KDM4C: variants seen among roughly 807,000 people sequenced by gnomAD.
KDM4C encodes the protein lysine demethylase 4C, also known as lysine-specific demethylase 4C.
In KDM4C, 81 loss-of-function variants were observed where a neutral mutation model predicts 129.3. The ratio of observed to expected loss-of-function variants is 0.63; its 90% CI spans 0.52 to 0.75. The LOEUF (loss-of-function observed/expected upper bound fraction) is 0.75, where lower values mean the gene tolerates loss of function less well. Among genes scored for constraint, KDM4C ranks in the 30% least tolerant of loss-of-function variants. The probability of loss-of-function intolerance (pLI) is 0.00; values close to 1 mark genes in which losing one functional copy is unlikely to be tolerated. For missense variants in KDM4C, 1,457 were observed against 1,304.0 expected (o/e 1.12, Z -1.81); for synonymous variants, 573 against 456.1 (o/e 1.26, Z -3.26).
At chr9:7,008,668 C>G (rs1348519453) in intron 12 of KDM4C, among the ~76,000 whole-genome samples, 1 of 152,222 alleles carries the variant, frequency 6.6e-6, no homozygotes, top group Non-Finnish European at 1.5e-5. Context: ...ATGTTGGTGC[C>G]AAGCTGGCCC....
At position 6,990,548 on chromosome 9, in the gene KDM4C, A is replaced by ATT. The variant is rs35634202; in HGVS notation, c.1786+40_1786+41dup. The stretch of plus-strand genomic sequence containing the variant: ...AGGTGAGATGGTGACCCTTTTTGGG[A>ATT]TTTTTTTTTTTTTTTTTGGTGTGTA... On this transcript the variant is annotated intron_variant, in intron 12 of 21. Transcript: ENST00000381309. The ATT allele has an allele frequency of 3.6e-3, 4,284 of 1,177,136 alleles. 3 individuals are homozygous for ATT. The highest frequency in any genetic ancestry group is 0.013 in the African/African-American group (786 of 60,520). The allele number at this position is 1,177,136 out of a possible 1,614,324, so 72.9% of individuals were successfully genotyped here. A position where few individuals can be genotyped will look rare whatever the true frequency, so the allele number is the denominator to read the frequency against.
At chr9:6,922,904 C>T (rs1022966978) in intron 8 of KDM4C, among the ~76,000 whole-genome samples, 2 of 152,202 alleles carry the variant, frequency 1.3e-5, no homozygotes, top group Admixed American at 6.5e-5. Flanking sequence ...TTAAACTGTG[C>T]GTTAGCTACA....
At position 7,055,241 on chromosome 9, in the gene KDM4C, G is replaced by C. The variant is rs144993732; in HGVS notation, c.2424+6041G>C. 9.2e-5 allele frequency among the ~76,000 whole-genome samples: 14 copies of C among 152,306 alleles called. No homozygotes were observed. In the East Asian group the frequency reaches 2.7e-3, roughly 29 times the overall value. ...GGTCACAAATGCATCCGTCCTCACAGTGGTGTAGCACAGTGCCTTTGGTTT... is the reference window on the plus strand; with the variant it reads ...GGTCACAAATGCATCCGTCCTCACACTGGTGTAGCACAGTGCCTTTGGTTT... On this transcript the variant is annotated intron_variant, in intron 17 of 21. Coordinates refer to ENST00000381309, the MANE Select transcript of KDM4C (RefSeq NM_015061.6).
intron 1 of KDM4C, among the ~76,000 whole-genome samples, chr9:6,782,085 A>G (rs571749960): frequency 6.6e-6 from 1 of 152,130 alleles, no homozygotes; most frequent in African/African-American, 2.4e-5. Context: ...TCGGTCTCCC[A>G]AGTGCTGGGA....
Position 6,742,426 on chromosome 9 carries a change from G to C in KDM4C, c.49+21429G>C, listed in dbSNP as rs946255201. Reference sequence around the variant, plus strand: ...ATTCATTTATTTATTTTATTATCAAGCAGCCCCCTGAAACAGAGTTAGTTC... The same window carrying C: ...ATTCATTTATTTATTTTATTATCAACCAGCCCCCTGAAACAGAGTTAGTTC... On this transcript the variant is annotated intron_variant, in intron 1 of 17. Coordinates refer to the KDM4C transcript ENST00000536108. Among the ~76,000 whole-genome samples, 5 of 151,894 alleles carry C rather than the reference G, an allele frequency of 3.3e-5. No individual in the cohort carries two copies. The East Asian group carries it at 7.7e-4, about 23-fold the overall frequency.
In KDM4C at chr9:6,888,015, A is replaced by G. The variant is rs1845549853; in HGVS notation, c.735A>G (p.Thr245=). 9 of 1,611,412 alleles carry G rather than the reference A, an allele frequency of 5.6e-6. No individual in the cohort carries two copies. The highest frequency in any genetic ancestry group is 7.6e-6 in the Non-Finnish European group (9 of 1,178,018). The change falls in exon 7 of 22, where the codon ACA becomes ACG. Residue 245 remains threonine, a synonymous_variant. Coordinates refer to ENST00000381309, the MANE Select transcript of KDM4C (RefSeq NM_015061.6). ...GCDAFLRHKM[T]LISPSVLKKY... is the part of the protein sequence containing the mutation. Reference sequence around the variant, plus strand: ...ATGCATTTCTTCGCCACAAGATGACATTGATTTCTCCATCAGTATTGAAGA... The same window carrying G: ...ATGCATTTCTTCGCCACAAGATGACGTTGATTTCTCCATCAGTATTGAAGA...
intron 6 of KDM4C, 107 bp downstream of exon 6, chr9:6,880,168 G>C (rs931536070): frequency 1.3e-5 from 7 of 540,368 alleles, no homozygotes; most frequent in African/African-American, 1.2e-4. Context: ...TACTCTGTTG[G>C]TTTTATTCTA....
At chr9:6,810,031 TTAACTC>T (rs139604216) in intron 3 of KDM4C, among the ~76,000 whole-genome samples, 9,559 of 152,212 alleles carry the variant, frequency 0.063, 443 homozygotes, top group Non-Finnish European at 0.097. Context: ...ATATATAACT[TTAACTC>T]TAAGAGGCAA....
chr9:7,171,807 C>G (rs1844989586), intron 21 of KDM4C, among the ~76,000 whole-genome samples: 1 of 151,866 alleles, frequency 6.6e-6, no homozygotes, highest in South Asian at 2.1e-4. Flanking sequence ...CACCAACATT[C>G]AATTTTTTTT....
intron 8 of KDM4C, among the ~76,000 whole-genome samples, chr9:6,926,316 G>A (rs1218362236): frequency 8.6e-6 from 1 of 116,730 alleles, no homozygotes; most frequent in Non-Finnish European, 1.9e-5. Context: ...AACAAGTGGA[G>A]AAGCAGTTGT....
intron 8 of KDM4C, among the ~76,000 whole-genome samples, chr9:6,899,543 GT>G (rs1228551701): frequency 2.1e-5 from 1 of 48,306 alleles, no homozygotes; most frequent in Non-Finnish European, 1.0e-4. Flanking sequence ...TTCCATGGGG[GT>G]GTGTGTGTGT....
chr9:6,756,972 A>C (rs1458651919), upstream of KDM4C, among the ~76,000 whole-genome samples: 4 of 152,190 alleles, frequency 2.6e-5, no homozygotes, highest in Admixed American at 2.0e-4. Flanking sequence ...AGATATGCCC[A>C]ATCTTTCTTA....
At chr9:7,049,835 C>A (rs1047894975) in intron 17 of KDM4C, among the ~76,000 whole-genome samples, 1 of 152,118 alleles carries the variant, frequency 6.6e-6, no homozygotes, top group Middle Eastern at 3.4e-3. Flanking sequence ...AATTATGAGC[C>A]AGCAGATCCT....
intron 19 of KDM4C, among the ~76,000 whole-genome samples, chr9:7,147,096 A>T (rs1230809643): frequency 1.3e-5 from 2 of 152,212 alleles, no homozygotes; most frequent in Admixed American, 6.5e-5. Flanking sequence ...GCAAGATTGC[A>T]TTAATATCGC....
chr9:7,132,179 G>A (rs1418768622), intron 19 of KDM4C, among the ~76,000 whole-genome samples: 5 of 152,156 alleles, frequency 3.3e-5, no homozygotes, highest in African/African-American at 1.2e-4. Flanking sequence ...ATTTATCTAT[G>A]TATGACACAA....
chr9:6,731,456 A>G (rs933724854), intron 1 of KDM4C, among the ~76,000 whole-genome samples: 6 of 151,332 alleles, frequency 4.0e-5, no homozygotes, highest in African/African-American at 9.7e-5. Context: ...CCTCCTGAGT[A>G]GCTGGGATTA....
chr9:6,876,144 A>G (rs1054884080), intron 5 of KDM4C, among the ~76,000 whole-genome samples: 9 of 152,040 alleles, frequency 5.9e-5, no homozygotes, highest in African/African-American at 1.9e-4. Flanking sequence ...TGATGTTAGG[A>G]TTGTTTGAAC....
intron 15 of KDM4C, among the ~76,000 whole-genome samples, chr9:7,038,664 C>A (rs1191986174): frequency 6.6e-6 from 1 of 151,884 alleles, no homozygotes; most frequent in African/African-American, 2.4e-5. Flanking sequence ...TCCATAGATT[C>A]AAATATTTAG....
intron 12 of KDM4C, among the ~76,000 whole-genome samples, chr9:7,006,292 T>A (rs142434997): frequency 6.6e-6 from 1 of 152,194 alleles, no homozygotes; most frequent in Admixed American, 6.5e-5. Context: ...TGCTTCAAAT[T>A]AATGGGGCCT....
Sources: gnomAD v4.1 joint callset for allele counts (sites outside exome capture counted in the v4.1 genomes callset) on GRCh38, gnomAD v4.1.1 for gene constraint, MANE v1.5 for transcripts, NCBI Gene and HGNC (gene_info 2026-07-23, HGNC 2026-07-21) for gene names.